Variants in SNX18 observed in about 807,000 individuals in gnomAD.
SNX18 encodes the protein sorting nexin-18.
Under a neutral mutation model 48.7 loss-of-function variants are expected in SNX18, and 35 were observed. That is an observed-to-expected ratio of 0.72 (90% CI 0.55 to 0.95). The LOEUF is 0.95. SNX18 is among the 40% of genes least tolerant of loss of function. The pLI is 0.00. For synonymous variants in SNX18, 492 were observed against 384.7 expected (o/e 1.28, Z -3.26); for missense variants, 824 against 871.0 (o/e 0.95, Z 0.68).
At chr5:54,587,817 A>C in the SNX18 span, among the ~76,000 whole-genome samples, 3,319 of 152,268 alleles carry the variant, frequency 0.022, 86 homozygotes, top group South Asian at 0.073. Context: ...TGTGCACAGC[A>C]CCAAAATCCC....
the SNX18 span, among the ~76,000 whole-genome samples, chr5:54,583,373 G>C: frequency 6.6e-6 from 1 of 152,206 alleles, no homozygotes; most frequent in Admixed American, 6.5e-5. Context: ...TGGAAGTTGG[G>C]CTCATTTCAG....
chr5:54,540,852 C>T (rs1285400429), intron 1 of SNX18, among the ~76,000 whole-genome samples: 1 of 152,114 alleles, frequency 6.6e-6, no homozygotes, highest in Non-Finnish European at 1.5e-5. Flanking sequence ...TCCTCCAGTA[C>T]CTTGGATTGA....
At chr5:54,608,767 C>T in the SNX18 span, among the ~76,000 whole-genome samples, 1 of 152,156 alleles carries the variant, frequency 6.6e-6, no homozygotes, top group Non-Finnish European at 1.5e-5. Context: ...GTGTGCATCA[C>T]TTTATTTTCT....
chr5:54,613,832 G>C, the SNX18 span, among the ~76,000 whole-genome samples: 2 of 152,120 alleles, frequency 1.3e-5, no homozygotes, highest in African/African-American at 4.8e-5. Context: ...CCGAGTAGCT[G>C]GGATTATAGG....
the SNX18 span, among the ~76,000 whole-genome samples, chr5:54,552,780 C>T: frequency 6.7e-6 from 1 of 150,128 alleles, no homozygotes; most frequent in South Asian, 2.1e-4. Flanking sequence ...GTAGGTGAGG[C>T]AATAATAATG....
intron 1 of SNX18, among the ~76,000 whole-genome samples, chr5:54,541,334 G>T (rs1762467309): frequency 6.6e-6 from 1 of 152,106 alleles, no homozygotes; most frequent in Non-Finnish European, 1.5e-5. Context: ...GGCCCTCCTG[G>T]TCTTTTCAAC....
the SNX18 span, among the ~76,000 whole-genome samples, chr5:54,620,911 G>A: frequency 5.3e-5 from 8 of 152,098 alleles, no homozygotes; most frequent in Non-Finnish European, 1.2e-4. Context: ...TATTGGATTA[G>A]GGCCCCACTC....
intron 1 of SNX18, among the ~76,000 whole-genome samples, chr5:54,530,554 G>A (rs1197379820): frequency 6.6e-6 from 1 of 152,114 alleles, no homozygotes; most frequent in Non-Finnish European, 1.5e-5. Flanking sequence ...ACCAAAGAGT[G>A]ACGTTTAATC....
At chr5:54,596,552 T>C in the SNX18 span, among the ~76,000 whole-genome samples, 1 of 152,140 alleles carries the variant, frequency 6.6e-6, no homozygotes, top group East Asian at 1.9e-4. Flanking sequence ...AGAAGTGAAG[T>C]TCATACTCAT....
intron 1 of SNX18, among the ~76,000 whole-genome samples, chr5:54,532,319 C>CTTT (rs57856245): frequency 9.2e-5 from 12 of 130,988 alleles, no homozygotes; most frequent in Non-Finnish European, 1.1e-4. Context: ...TTTTTTTTTT[C>CTTT]TTTTTTTTTT....
At chr5:54,596,315 A>G in the SNX18 span, among the ~76,000 whole-genome samples, 1 of 149,502 alleles carries the variant, frequency 6.7e-6, no homozygotes, top group Admixed American at 6.6e-5. Context: ...CCAGCACTAT[A>G]GCTCTCCCCA....
chr5:54,561,707 T>A, the SNX18 span, among the ~76,000 whole-genome samples: 1 of 152,164 alleles, frequency 6.6e-6, no homozygotes, highest in Admixed American at 6.5e-5. Context: ...ATTTTATTCA[T>A]TCATTTCTAG....
the SNX18 span, among the ~76,000 whole-genome samples, chr5:54,569,935 A>G: frequency 2.0e-5 from 3 of 151,814 alleles, no homozygotes; most frequent in Non-Finnish European, 4.4e-5. Context: ...TAAAACTCTG[A>G]CAACCTTTTA....
At chr5:54,625,851 T>C in the SNX18 span, among the ~76,000 whole-genome samples, 1 of 152,052 alleles carries the variant, frequency 6.6e-6, no homozygotes, top group Non-Finnish European at 1.5e-5. Flanking sequence ...GGGAAAGAAA[T>C]CTCTTTTTAC....
intron 1 of SNX18, 145 bp downstream of exon 1, chr5:54,519,718 C>G: frequency 6.2e-7 from 1 of 1,614,186 alleles, no homozygotes; most frequent in Non-Finnish European, 8.5e-7. Flanking sequence ...TGGGTCTTTT[C>G]CCTAGAGTGT....
At chr5:54,554,554 G>T in the SNX18 span, among the ~76,000 whole-genome samples, 1 of 152,162 alleles carries the variant, frequency 6.6e-6, no homozygotes, top group African/African-American at 2.4e-5. Flanking sequence ...TTCATTATAT[G>T]AATTAAATTC....
intron 1 of SNX18, among the ~76,000 whole-genome samples, chr5:54,540,799 G>C (rs1481318639): frequency 6.6e-6 from 1 of 150,648 alleles, no homozygotes; most frequent in African/African-American, 2.5e-5. Flanking sequence ...AGCAGGGAAG[G>C]ATCCTGCGTA....
At chr5:54,626,013 C>T in the SNX18 span, among the ~76,000 whole-genome samples, 2 of 152,154 alleles carry the variant, frequency 1.3e-5, no homozygotes, top group East Asian at 3.9e-4. Flanking sequence ...CAACTTGATC[C>T]AGATATATCT....
Position 54,535,644 on chromosome 5 carries a change from C to T in SNX18, c.1622-7535C>T, listed in dbSNP as rs145621445. ...GCCCTGCTTGGAAGGGAGAATGGGACGTGCCAGGGCTGGCAGGCATGTGGA... is the reference window on the plus strand; with the variant it reads ...GCCCTGCTTGGAAGGGAGAATGGGATGTGCCAGGGCTGGCAGGCATGTGGA... On this transcript the variant is annotated intron_variant, in intron 1 of 1. Coordinates refer to ENST00000381410, the MANE Select transcript of SNX18 (RefSeq NM_001102575.2). Among the ~76,000 whole-genome samples, 649 of 152,168 alleles carry T rather than the reference C, an allele frequency of 4.3e-3. 4 individuals are homozygous for T. The highest frequency in any genetic ancestry group is 0.015 in the African/African-American group (626 of 41,502).
Sources: gnomAD v4.1 joint callset for allele counts (sites outside exome capture counted in the v4.1 genomes callset) on GRCh38, gnomAD v4.1.1 for gene constraint, MANE v1.5 for transcripts, NCBI Gene and HGNC (gene_info 2026-07-23, HGNC 2026-07-21) for gene names.